ANKRD55: variants seen among roughly 807,000 people sequenced by gnomAD.
ANKRD55 encodes the protein ankyrin repeat domain-containing protein 55.
ANKRD55 carries 41 observed loss-of-function variants against 60.6 expected under a neutral mutation model. The ratio of observed to expected loss-of-function variants is 0.68; its 90% CI spans 0.53 to 0.88. ANKRD55 has a LOEUF of 0.88. Ranked by LOEUF, ANKRD55 falls within the 40% of genes least tolerant of loss-of-function variation. ANKRD55 has a pLI of 0.00. For synonymous variants in ANKRD55, 264 were observed against 290.3 expected (o/e 0.91, Z 0.92); for missense variants, 732 against 767.6 (o/e 0.95, Z 0.55).
intron 2 of ANKRD55, among the ~76,000 whole-genome samples, chr5:56,217,012 T>G (rs1759829307): frequency 6.6e-6 from 1 of 152,200 alleles, no homozygotes; most frequent in South Asian, 2.1e-4. Context: ...AGAAGGGATG[T>G]CACTACCCAG....
At chr5:56,146,159 G>A (rs184675025) in intron 6 of ANKRD55, among the ~76,000 whole-genome samples, 161 of 152,254 alleles carry the variant, frequency 1.1e-3, no homozygotes, top group African/African-American at 3.5e-3. Flanking sequence ...TTACTGGAGC[G>A]TAAGTTGCAT....
At chr5:56,223,608 C>T (rs565004415) in intron 2 of ANKRD55, among the ~76,000 whole-genome samples, 1 of 152,102 alleles carries the variant, frequency 6.6e-6, no homozygotes, top group African/African-American at 2.4e-5. Flanking sequence ...TCAGGAGACC[C>T]ATCTCACATG....
chr5:56,205,188 G>A (rs752535439), intron 2 of ANKRD55, among the ~76,000 whole-genome samples: 2 of 152,134 alleles, frequency 1.3e-5, no homozygotes, highest in African/African-American at 2.4e-5. Context: ...AGCCTCCTGA[G>A]TAGTTGGGAT....
chr5:56,172,518 C>T (rs1222474962), intron 4 of ANKRD55, among the ~76,000 whole-genome samples: 1 of 152,038 alleles, frequency 6.6e-6, no homozygotes, highest in African/African-American at 2.4e-5. Flanking sequence ...AAGTTTGAAA[C>T]ACTTTTAAAA....
intron 10 of ANKRD55, among the ~76,000 whole-genome samples, chr5:56,108,047 A>AT (rs1341103796): frequency 1.3e-5 from 2 of 151,492 alleles, no homozygotes; most frequent in South Asian, 2.1e-4. Context: ...TTTTTTTTGT[A>AT]TTTTTTGTAG....
chr5:56,176,403 A>C (rs1054150578), intron 3 of ANKRD55, 121 bp from the exon 4 acceptor site: 3 of 1,079,656 alleles, frequency 2.8e-6, no homozygotes, highest in Non-Finnish European at 4.1e-6. Flanking sequence ...TTTGTATGGG[A>C]CTGAAGGGAG....
chr5:56,100,222 C>G lies in ANKRD55; in HGVS notation c.1806G>C (p.Glu602Asp). 2 of 1,614,216 alleles carry G rather than the reference C, an allele frequency of 1.2e-6. No homozygotes were observed. Among genetic ancestry groups the G allele is most frequent in the Non-Finnish European group, 1.7e-6 (2 of 1,180,026 alleles). The change falls in exon 12 of 12, where the codon GAG becomes GAC. Residue 602 changes from glutamate (E) to aspartate (D), a missense_variant. Physicochemically the swap from Glu to Asp is conservative, Grantham distance 45. Coordinates refer to ENST00000341048, the MANE Select transcript of ANKRD55 (RefSeq NM_024669.3). ...SQRRHSTAAEESEHSANPTSD... is the reference protein window; with the variant it reads ...SQRRHSTAAEDSEHSANPTSD... ...TGGTGGGGTTGGCAGAATGTTCACT[C>G]TCTTCTGCTGCTGTGCTGTGTCTTC... is the stretch of plus-strand genomic sequence containing the variant.
At chr5:56,173,574 C>CTATATATATATATATATATATA (rs1273889433) in intron 4 of ANKRD55, among the ~76,000 whole-genome samples, 1 of 98,316 alleles carries the variant, frequency 1.0e-5, no homozygotes, top group Non-Finnish European at 1.9e-5. Context: ...CTCTCTCTCT[C>CTATATATATATATATATATATA]TCTCTCTCTA....
chr5:56,120,303 A>G (rs1757004603), intron 8 of ANKRD55, among the ~76,000 whole-genome samples: 1 of 152,136 alleles, frequency 6.6e-6, no homozygotes, highest in South Asian at 2.1e-4. Context: ...TTGGAATTAC[A>G]GGCGTGAGCC....
chr5:56,153,791 C>T (rs189918354), intron 6 of ANKRD55, among the ~76,000 whole-genome samples: 9 of 151,226 alleles, frequency 6.0e-5, no homozygotes, highest in South Asian at 2.1e-4. Context: ...GAGCCGAGAT[C>T]GCACCATTGT....
chr5:56,193,511 T>A, intron 2 of ANKRD55: 1 of 444,346 alleles, frequency 2.3e-6, no homozygotes, highest in Non-Finnish European at 4.2e-6. Flanking sequence ...TTAGAATACC[T>A]CGTTTATCAT....
At chr5:56,136,754 C>T (rs536741275) in intron 7 of ANKRD55, among the ~76,000 whole-genome samples, 1 of 151,136 alleles carries the variant, frequency 6.6e-6, no homozygotes, top group Admixed American at 6.6e-5. Context: ...AACCTCATCT[C>T]TAAAAAAAAT....
At chr5:56,145,529 T>C (rs1231741586) in intron 6 of ANKRD55, among the ~76,000 whole-genome samples, 1 of 152,230 alleles carries the variant, frequency 6.6e-6, no homozygotes, top group African/African-American at 2.4e-5. Context: ...TGGATTATGA[T>C]ATGAGCAAGA....
At chr5:56,140,552 C>G (rs555321740) in intron 7 of ANKRD55, among the ~76,000 whole-genome samples, 1 of 152,258 alleles carries the variant, frequency 6.6e-6, no homozygotes, top group Non-Finnish European at 1.5e-5. Context: ...CTTTTTGCCT[C>G]CAATGCAAGA....
At chr5:56,166,122 C>CTT (rs1275751986) in intron 5 of ANKRD55, among the ~76,000 whole-genome samples, 5 of 87,218 alleles carry the variant, frequency 5.7e-5, no homozygotes, top group Middle Eastern at 4.7e-3. Context: ...TTCTTTCTTT[C>CTT]TTTCTTTCTT....
intron 2 of ANKRD55, among the ~76,000 whole-genome samples, chr5:56,216,826 C>G (rs528583838): frequency 2.0e-5 from 3 of 152,316 alleles, no homozygotes; most frequent in African/African-American, 7.2e-5. Context: ...GAAGCCATCT[C>G]TATAACACAA....
intron 5 of ANKRD55, 35 bp downstream of exon 5, chr5:56,170,659 C>T (rs1186425563): frequency 2.6e-6 from 4 of 1,565,674 alleles, no homozygotes; most frequent in East Asian, 2.2e-5. Context: ...TTGAGTCACT[C>T]CCAACTTGAG....
intron 9 of ANKRD55, chr5:56,114,127 G>A (rs1185098491): frequency 1.3e-5 from 2 of 151,920 alleles, no homozygotes; most frequent in Admixed American, 6.6e-5. Flanking sequence ...TTGGGAATTA[G>A]AGACTAGCCT....
intron 2 of ANKRD55, among the ~76,000 whole-genome samples, chr5:56,226,425 A>C (rs563640204): frequency 5.9e-5 from 9 of 152,364 alleles, no homozygotes; most frequent in African/African-American, 2.2e-4. Context: ...GGCATGGGCA[A>C]GGACTTCACG....
Sources: allele counts gnomAD v4.1 joint callset (sites outside exome capture counted in the v4.1 genomes callset), GRCh38; gene constraint gnomAD v4.1.1; transcripts MANE v1.5; gene names NCBI Gene and HGNC (gene_info 2026-07-23, HGNC 2026-07-21).